TLN1: variants seen among roughly 807,000 people sequenced by gnomAD.
The protein encoded by TLN1 is talin 1.
Under a neutral mutation model 292.3 loss-of-function variants are expected in TLN1, and 56 were observed. The ratio of observed to expected loss-of-function variants is 0.19; its 90% CI spans 0.15 to 0.24. TLN1 has a LOEUF of 0.24. Ranked by LOEUF, TLN1 falls within the 10% of genes least tolerant of loss-of-function variation. The pLI, the probability that TLN1 is intolerant of heterozygous loss-of-function variation, is 1.00. For missense variants in TLN1, 2,433 were observed against 3,248.2 expected (o/e 0.75, Z 6.10); for synonymous variants, 1,119 against 1,253.7 (o/e 0.89, Z 2.27).
chr9:35,720,637 T>C lies in TLN1; in HGVS notation c.1207-128A>G, dbSNP rs574087038. ...AGTGTCCATTTCTTTTTCTTTTTTT[T>C]TTTTTTTTGACAAGAAAGGGCTCTG... On this transcript the variant is annotated intron_variant, in intron 11 of 56. Transcript: ENST00000314888. The C allele has an allele frequency of 8.8e-6, 10 of 1,138,982 alleles. No homozygotes were observed. The East Asian group carries it at 1.9e-4, about 22-fold the overall frequency. The allele number at this position is 1,138,982 out of a possible 1,614,324, so 70.6% of individuals were successfully genotyped here. A position where few individuals can be genotyped will look rare whatever the true frequency, so the allele number is the denominator to read the frequency against.
At chr9:35,727,921 G>A (rs371383215) in intron 1 of TLN1, among the ~76,000 whole-genome samples, 27 of 152,296 alleles carry the variant, frequency 1.8e-4, no homozygotes, top group African/African-American at 5.8e-4. Context: ...GTGTGGACGC[G>A]AAGAACTGAT....
chr9:35,731,512 C>T (rs1021750134), intron 1 of TLN1, among the ~76,000 whole-genome samples: 1 of 151,976 alleles, frequency 6.6e-6, no homozygotes, highest in Non-Finnish European at 1.5e-5. Context: ...TCCTTAACAC[C>T]GACCATGCCA....
chr9:35,709,167 C>T (rs1040276331), intron 33 of TLN1, among the ~76,000 whole-genome samples: 7 of 152,100 alleles, frequency 4.6e-5, no homozygotes, highest in African/African-American at 1.4e-4. Flanking sequence ...TGGTGGCAGG[C>T]GCCTGTAGTC....
chr9:35,707,951 G>C lies in TLN1; in HGVS notation c.4471-59C>G, dbSNP rs1825594913. The C allele has an allele frequency of 1.3e-6, 2 of 1,585,132 alleles. No homozygotes were observed. Among genetic ancestry groups the C allele is most frequent in the South Asian group, 1.1e-5 (1 of 89,536 alleles). On this transcript the variant is annotated intron_variant, in intron 34 of 56. Coordinates refer to ENST00000314888, the MANE Select transcript of TLN1 (RefSeq NM_006289.4). This position sits in a 1 kb window ranked among gnomAD's most constrained non-coding sequence, Gnocchi z 5.6. Reference sequence around the variant, plus strand: ...CAGGAAGGAGGTGTACATACCCAAGGAGGAGCCATTTTAGGGTCAGGGGAT... The same window carrying C: ...CAGGAAGGAGGTGTACATACCCAAGCAGGAGCCATTTTAGGGTCAGGGGAT...
chr9:35,703,662 A>G lies in TLN1; in HGVS notation c.6372T>C (p.Asn2124=). 1 of 1,614,182 alleles carries G rather than the reference A, an allele frequency of 6.2e-7. No individual in the cohort carries two copies. The highest frequency in any genetic ancestry group is 8.5e-7 in the Non-Finnish European group (1 of 1,180,038). ...TTACTGTCTTAAGCAATGATGTCAC[A>G]TTGGTCACCATCACCTGGAGGTATC... is the stretch of plus-strand genomic sequence containing the variant. ...LKNSAKVMVT[N]VTSLLKTVKA... is the part of the protein sequence containing the mutation. The change falls in exon 48 of 57, where the codon AAT becomes AAC. Residue 2124 remains asparagine, a synonymous_variant. Transcript: ENST00000314888.
In TLN1 at chr9:35,725,292, C is replaced by A. The variant is rs1303513893; in HGVS notation, c.160G>T (p.Asp54Tyr). The A allele has an allele frequency of 1.2e-6, 2 of 1,614,012 alleles. No individual in the cohort carries two copies. The highest frequency in any genetic ancestry group is 1.3e-5 in the African/African-American group (1 of 74,886). ...PSDFGLFLSD[D>Y]DPKKGIWLEA... ...AGCCATATACCCTTTTTGGGGTCAT[C>A]ATCTGACAGAAAGAGCCCAAAGTCG... The change falls in exon 3 of 57, where the codon GAT becomes TAT. Residue 54 changes from aspartate (D) to tyrosine (Y), a missense_variant. This residue lies in a region of TLN1 where 155 missense variants were observed against 287.9 expected (regional missense o/e 0.54). Coordinates refer to ENST00000314888, the MANE Select transcript of TLN1 (RefSeq NM_006289.4).
At position 35,717,586 on chromosome 9, in the gene TLN1, T is replaced by C; in HGVS notation, c.2163+33A>G. 6.3e-7 allele frequency: 1 copy of C among 1,596,016 alleles called. No individual in the cohort carries two copies. ...CACGTGTGTGTGGTAGTATTACCCCTCAGCACGGACTAGAGCAACCTTTGG... is the reference window on the plus strand; with the variant it reads ...CACGTGTGTGTGGTAGTATTACCCCCCAGCACGGACTAGAGCAACCTTTGG... On this transcript the variant is annotated intron_variant, in intron 18 of 56. Coordinates refer to ENST00000314888, the MANE Select transcript of TLN1 (RefSeq NM_006289.4). The surrounding 1 kb of genome is among the most constrained non-coding windows in gnomAD (Gnocchi z 4.7).
Position 35,719,125 on chromosome 9 carries a change from A to G in TLN1, c.1845T>C (p.Leu615=). ...GCAGCAGTTCTGACACTGCTCCCGC[A>G]AGGCCCTTTGCTGCCTGCAACAGGG... The part of the protein sequence containing the change: ...GRPLLQAAKG[L]AGAVSELLRS... The change falls in exon 16 of 57, where the codon CTT becomes CTC. Residue 615 remains leucine, a synonymous_variant. Transcript: ENST00000314888. This position sits in a 1 kb window ranked among gnomAD's most constrained non-coding sequence, Gnocchi z 4.6. The G allele has an allele frequency of 6.2e-7, 1 of 1,614,110 alleles. No homozygotes were observed. The highest frequency in any genetic ancestry group is 8.5e-7 in the Non-Finnish European group (1 of 1,180,028).
rs1458230521 is a variant in TLN1, at chr9:35,710,565, G to A, written c.4322C>T (p.Ala1441Val). ...KALCGFTEAA[A>V]QAAYLVGVSD... is the part of the protein sequence containing the mutation. ...AACCCATCTCAGGAAAATAACCTGT[G>A]CAGCTGCCTCGGTGAAGCCACAAAG... is the stretch of plus-strand genomic sequence containing the variant. The change falls in exon 33 of 57, where the codon GCA (alanine) becomes GTA (valine). Residue 1441 changes from alanine (A) to valine (V), a missense_variant. Transcript: ENST00000314888. The A allele has an allele frequency of 6.2e-7, 1 of 1,613,168 alleles. No individual in the cohort carries two copies.
Position 35,706,271 on chromosome 9 carries a change from C to G in TLN1, c.5286G>C (p.Leu1762=), listed in dbSNP as rs200729810. ...ACTCTGCCAATGTTTTAGTCTGGTC[C>G]AGGAGTGCCATCTGCTGCGGGTGGC... is the stretch of plus-strand genomic sequence containing the variant. ...TLSHPQQMAL[L]DQTKTLAESA... Residue 1762 remains leucine, a synonymous_variant, in exon 40 of 57, where the codon CTG becomes CTC. Coordinates refer to ENST00000314888, the MANE Select transcript of TLN1 (RefSeq NM_006289.4). This position sits in a 1 kb window ranked among gnomAD's most constrained non-coding sequence, Gnocchi z 4.2. The G allele has an allele frequency of 4.3e-6, 7 of 1,613,838 alleles. No individual in the cohort carries two copies. The African/African-American group carries it at 5.3e-5, about 12-fold the overall frequency.
chr9:35,703,958 T>A (rs776677974), intron 46 of TLN1, 33 bp downstream of exon 46: 10 of 1,612,764 alleles, frequency 6.2e-6, no homozygotes, highest in Non-Finnish European at 8.5e-6. Context: ...CAGGAAGTGA[T>A]TCCAGCCGGA....
Position 35,724,158 on chromosome 9 carries a change from T to C in TLN1, c.654+34A>G, listed in dbSNP as rs1825926386. ...ACACTGTGCTTCCGAGCCCTCCCTA[T>C]TCCTGCCCCACCCCAGCCAAGTCCT... On this transcript the variant is annotated intron_variant, in intron 6 of 56. Coordinates refer to ENST00000314888, the MANE Select transcript of TLN1 (RefSeq NM_006289.4). This position sits in a 1 kb window ranked among gnomAD's most constrained non-coding sequence, Gnocchi z 4.7. 6.2e-7 allele frequency: 1 copy of C among 1,613,986 alleles called. No individual in the cohort carries two copies. The highest frequency in any genetic ancestry group is 2.2e-5 in the East Asian group (1 of 44,890).
In TLN1 at chr9:35,717,083, AT is replaced by A. The variant is rs1395438737; in HGVS notation, c.2458+62del. On this transcript the variant is annotated intron_variant, in intron 19 of 56. Transcript: ENST00000314888. This position sits in a 1 kb window ranked among gnomAD's most constrained non-coding sequence, Gnocchi z 4.7. ...AAGTGGTTAGGTCCGCAAGGGGATG[AT>A]GTCCAGTGGGCTTAGGGAACCCTGG... 7.2e-6 allele frequency: 11 copies of A among 1,529,422 alleles called. 1 individual carries two copies. The highest frequency in any genetic ancestry group is 8.8e-6 in the Non-Finnish European group (10 of 1,134,992). 94.7% of individuals were successfully genotyped at this position (1,529,422 alleles called of 1,614,324 possible). A position where few individuals can be genotyped will look rare whatever the true frequency, so the allele number is the denominator to read the frequency against.
chr9:35,706,816 G>A lies in TLN1; in HGVS notation c.5040C>T (p.Leu1680=), dbSNP rs762759883. 5 of 1,613,886 alleles carry A rather than the reference G, an allele frequency of 3.1e-6. No individual in the cohort carries two copies. Among genetic ancestry groups the A allele is most frequent in the East Asian group, 2.2e-5 (1 of 44,890 alleles). Reference sequence around the variant, plus strand: ...GAGCAAGCTGCTGGCTGACTGCAGCGAGGGAAGCCTGGTCTAGGTCCCGTA... The same window carrying A: ...GAGCAAGCTGCTGGCTGACTGCAGCAAGGGAAGCCTGGTCTAGGTCCCGTA... ...SCLRDLDQAS[L]AAVSQQLAPR... Residue 1680 remains leucine (L), a synonymous_variant, in exon 38 of 57, where the codon CTC becomes CTT. Transcript: ENST00000314888. This position sits in a 1 kb window ranked among gnomAD's most constrained non-coding sequence, Gnocchi z 4.2.
rs1308252314 is a variant in TLN1 at position 35,724,453 on chromosome 9, AC to A, written c.511+118del. 126 of 1,560,864 alleles carry A rather than the reference AC, an allele frequency of 8.1e-5. 1 individual carries two copies. The highest frequency in any genetic ancestry group is 5.1e-4 in the Middle Eastern group (3 of 5,854). ...TAAATGTAAGTCCCATGAGTGTAGG[AC>A]TTTGTTTTCTCACTGATGTATCCCC... is the stretch of plus-strand genomic sequence containing the variant. On this transcript the variant is annotated intron_variant, in intron 5 of 56. Transcript: ENST00000314888. This position sits in a 1 kb window ranked among gnomAD's most constrained non-coding sequence, Gnocchi z 4.7.
chr9:35,702,998 G>A (rs1434535202), intron 48 of TLN1, among the ~76,000 whole-genome samples: 2 of 152,168 alleles, frequency 1.3e-5, no homozygotes, highest in Non-Finnish European at 2.9e-5. Context: ...CAAGTGGGTA[G>A]GGGACAGACA....
rs978185854 is a variant in TLN1, at chr9:35,698,601, G to A, written c.7188+16C>T. On this transcript the variant is annotated intron_variant, in intron 54 of 56. Coordinates refer to ENST00000314888, the MANE Select transcript of TLN1 (RefSeq NM_006289.4). The surrounding 1 kb of genome is among the most constrained non-coding windows in gnomAD (Gnocchi z 5.3). ...TCTCTCAAACTGAGAGAGACCTAGT[G>A]GTATTGCACACTTACAGCAGAAATG... is the stretch of plus-strand genomic sequence containing the variant. 1.2e-6 allele frequency: 2 copies of A among 1,614,088 alleles called. No homozygotes were observed. The highest frequency in any genetic ancestry group is 1.7e-6 in the Non-Finnish European group (2 of 1,180,022).
rs773544286 is a variant in TLN1, at chr9:35,717,399, T to C, written c.2205A>G (p.Gln735=). The part of the protein sequence containing the change: ...PTISSPVCQE[Q]LVEAGRLVAK... ...CTACCAGTCGTCCAGCCTCCACCAG[T>C]TGCTCTTGGCAGACAGGTGAGCTGA... Residue 735 remains glutamine (Q), a synonymous_variant, in exon 19 of 57, where the codon CAA becomes CAG. Coordinates refer to ENST00000314888, the MANE Select transcript of TLN1 (RefSeq NM_006289.4). The surrounding 1 kb of genome is among the most constrained non-coding windows in gnomAD (Gnocchi z 4.7). The C allele has an allele frequency of 6.2e-7, 1 of 1,614,102 alleles. No individual in the cohort carries two copies. Among genetic ancestry groups the C allele is most frequent in the South Asian group, 1.1e-5 (1 of 91,090 alleles).
In TLN1 at chr9:35,717,015, T is replaced by G. The variant is rs564359306; in HGVS notation, c.2458+131A>C. ...AGAGCTTTAATGATGAGCCTATGGT[T>G]GTGTGGCTGGCAAGCCCACACTGTG... On this transcript the variant is annotated intron_variant, in intron 19 of 56. Coordinates refer to ENST00000314888, the MANE Select transcript of TLN1 (RefSeq NM_006289.4). The surrounding 1 kb of genome is among the most constrained non-coding windows in gnomAD (Gnocchi z 4.7). 9 of 1,000,180 alleles carry G rather than the reference T, an allele frequency of 9.0e-6. No individual in the cohort carries two copies. The Admixed American group carries it at 2.0e-4, about 22-fold the overall frequency. The allele number at this position is 1,000,180 out of a possible 1,614,324, so 62.0% of individuals were successfully genotyped here.
Sources: allele counts gnomAD v4.1 joint callset (sites outside exome capture counted in the v4.1 genomes callset), GRCh38; gene constraint gnomAD v4.1.1; regional missense constraint gnomAD v4.1.1; non-coding constraint Gnocchi (gnomAD v3.1); transcripts MANE v1.5; gene names NCBI Gene and HGNC (gene_info 2026-07-23, HGNC 2026-07-21).